Variants in GPHN observed in about 807,000 individuals in gnomAD.
The protein encoded by GPHN is gephyrin.
In GPHN, 17 loss-of-function variants were observed where a neutral mutation model predicts 95.5. The observed-to-expected ratio is 0.18, with a 90% CI of 0.12 to 0.27. GPHN has a LOEUF of 0.27. GPHN is among the 10% of genes least tolerant of loss of function. GPHN has a pLI of 1.00. For missense variants in GPHN, 660 were observed against 978.1 expected, an observed-to-expected ratio of 0.67 and a Z score of 4.34; for synonymous variants, 320 against 322.5, an observed-to-expected ratio of 0.99 and a Z score of 0.08.
chr14:66,669,686 A>G (rs2066189299), intron 1 of GPHN, among the ~76,000 whole-genome samples: 2 of 151,554 alleles, frequency 1.3e-5, no homozygotes, highest in African/African-American at 2.4e-5. Context: ...TTGTTTTCGC[A>G]TGTTTCTTTC....
chr14:66,976,923 G>C (rs931923881), intron 9 of GPHN, among the ~76,000 whole-genome samples: 5 of 135,664 alleles, frequency 3.7e-5, no homozygotes, highest in African/African-American at 1.3e-4. Context: ...TGTGGGGGGG[G>C]GGGGAGTACA....
intron 14 of GPHN, among the ~76,000 whole-genome samples, chr14:67,110,961 C>T (rs1223045738): frequency 6.6e-6 from 1 of 152,096 alleles, no homozygotes. Flanking sequence ...AGAGTATAAG[C>T]CAGTAATAAA....
chr14:67,711,103 A>T, the GPHN span, among the ~76,000 whole-genome samples: 18,863 of 152,286 alleles, frequency 0.12, 1,208 homozygotes, highest in Admixed American at 0.15. Flanking sequence ...TGAAACAAAG[A>T]CGATAACAAA....
chr14:67,063,628 C>T (rs935799458), intron 11 of GPHN, among the ~76,000 whole-genome samples: 12 of 152,078 alleles, frequency 7.9e-5, no homozygotes, highest in African/African-American at 2.9e-4. Context: ...TTGTAGTTCT[C>T]CTTGAAGAGG....
At chr14:67,619,961 T>C in the GPHN span, 1 of 1,546,730 alleles carries the variant, frequency 6.5e-7, no homozygotes, top group Admixed American at 1.9e-5. Flanking sequence ...CCTTGGAGAT[T>C]CTCAGTGCTG....
At chr14:67,286,783 A>G in the GPHN span, among the ~76,000 whole-genome samples, 1 of 147,650 alleles carries the variant, frequency 6.8e-6, no homozygotes, top group African/African-American at 2.5e-5. Flanking sequence ...CTGGAACCTG[A>G]GAAGTTGAGG....
At chr14:67,569,071 A>G in the GPHN span, 1 of 1,095,136 alleles carries the variant, frequency 9.1e-7, no homozygotes, top group Non-Finnish European at 1.4e-6. Flanking sequence ...TTTTTCCTGC[A>G]CATGCCTGGA....
At chr14:67,218,861 C>T in the GPHN span, among the ~76,000 whole-genome samples, 1 of 151,962 alleles carries the variant, frequency 6.6e-6, no homozygotes, top group African/African-American at 2.4e-5. Context: ...CGTACTCTCC[C>T]TCTGGCTAGA....
intron 3 of GPHN, among the ~76,000 whole-genome samples, chr14:66,815,683 G>A (rs1022972565): frequency 6.6e-6 from 1 of 152,146 alleles, no homozygotes; most frequent in Non-Finnish European, 1.5e-5. Flanking sequence ...GGAAAGGAAA[G>A]ACCATTACCA....
At position 67,042,061 on chromosome 14, in the gene GPHN, G is replaced by GT. The variant is rs869163694; in HGVS notation, c.1007-16577dup. ...ATGTACTTTGCCCATTTTTTGATGG[G>GT]TTTTTTTTTTTCTTGTAAATTTGTT... On this transcript the variant is annotated intron_variant, in intron 10 of 22. Coordinates refer to ENST00000478722, the MANE Select transcript of GPHN (RefSeq NM_020806.5). 4.6e-3 allele frequency among the ~76,000 whole-genome samples: 669 copies of GT among 146,548 alleles called. 9 individuals carry two copies. Among genetic ancestry groups the GT allele is most frequent in the African/African-American group, 0.014 (577 of 40,156 alleles).
At chr14:67,632,808 A>ATTTTTTTTTTTTT in the GPHN span, among the ~76,000 whole-genome samples, 1 of 62,358 alleles carries the variant, frequency 1.6e-5, no homozygotes, top group Non-Finnish European at 2.8e-5. Context: ...AAGCCTCTTA[A>ATTTTTTTTTTTTT]TTTTTTTTTT....
downstream of GPHN, among the ~76,000 whole-genome samples, chr14:67,186,015 G>T (rs112503149): frequency 1.3e-5 from 2 of 152,128 alleles, no homozygotes; most frequent in African/African-American, 4.8e-5. Context: ...TGTTGTTACA[G>T]AATTCATCAA....
At chr14:67,435,119 A>G in the GPHN span, among the ~76,000 whole-genome samples, 1 of 151,956 alleles carries the variant, frequency 6.6e-6, no homozygotes, top group East Asian at 1.9e-4. Context: ...GGCACCCGCC[A>G]CCATGCCTGG....
intron 2 of GPHN, among the ~76,000 whole-genome samples, chr14:66,694,527 T>C (rs1358632297): frequency 1.3e-5 from 2 of 152,112 alleles, no homozygotes; most frequent in African/African-American, 4.8e-5. Flanking sequence ...CTTTAAAAAA[T>C]TGAATCTGGA....
the GPHN span, among the ~76,000 whole-genome samples, chr14:67,720,046 C>T: frequency 6.6e-6 from 1 of 152,098 alleles, no homozygotes; most frequent in Non-Finnish European, 1.5e-5. Flanking sequence ...GACTCTCCCA[C>T]GAGCAATGCA....
intron 10 of GPHN, among the ~76,000 whole-genome samples, chr14:67,029,988 CTTTT>C (rs10561726): frequency 9.2e-5 from 12 of 129,884 alleles, no homozygotes; most frequent in East Asian, 2.2e-4. Flanking sequence ...TTTGGTAGCT[CTTTT>C]TTTTTTTTTT....
chr14:67,606,292 T>C, the GPHN span, among the ~76,000 whole-genome samples: 3,846 of 152,314 alleles, frequency 0.025, 151 homozygotes, highest in African/African-American at 0.086. Context: ...TGTGGATTTC[T>C]AGAACAGTAG....
rs1001731302 is a variant in GPHN, at chr14:66,793,822, T to C, written c.201+17301T>C. The stretch of plus-strand genomic sequence containing the variant: ...AAAAAAGGGAATTAAAATATTACAC[T>C]AGAAAATATTCACTTCATGTAAAAG... On this transcript the variant is annotated intron_variant, in intron 3 of 22. Coordinates refer to ENST00000478722, the MANE Select transcript of GPHN (RefSeq NM_020806.5). 1.7e-4 allele frequency among the ~76,000 whole-genome samples: 26 copies of C among 152,006 alleles called. 2 individuals are homozygous for C. Among genetic ancestry groups the C allele is most frequent in the Admixed American group, 1.7e-3 (26 of 15,256 alleles).
intron 10 of GPHN, among the ~76,000 whole-genome samples, chr14:67,041,207 A>G (rs932562660): frequency 6.6e-6 from 1 of 152,020 alleles, no homozygotes; most frequent in Admixed American, 6.6e-5. Flanking sequence ...AAATACAAAC[A>G]CTTTCTTTTT....
Sources: gnomAD v4.1 joint callset for allele counts (sites outside exome capture counted in the v4.1 genomes callset) on GRCh38, gnomAD v4.1.1 for gene constraint, MANE v1.5 for transcripts, NCBI Gene and HGNC (gene_info 2026-07-23, HGNC 2026-07-21) for gene names.